Variants in MYEF2 observed in about 807,000 individuals in gnomAD.
MYEF2 encodes the protein myelin gene expression factor 2.
Under a neutral mutation model 75.2 loss-of-function variants are expected in MYEF2, and 37 were observed. The observed-to-expected ratio is 0.49, with a 90% CI of 0.38 to 0.65. The LOEUF is 0.65. MYEF2 is among the 30% of genes least tolerant of loss of function. MYEF2 has a pLI of 0.00. For missense variants in MYEF2, 634 were observed against 771.4 expected (o/e 0.82, Z 2.11); for synonymous variants, 195 against 241.6 (o/e 0.81, Z 1.79).
At chr15:48,157,330 T>C (rs1458264482) in intron 9 of MYEF2, 2 of 152,136 alleles carry the variant, frequency 1.3e-5, no homozygotes, top group African/African-American at 4.8e-5. Flanking sequence ...GTTATAGTCA[T>C]TTTGGAAAAC....
intron 5 of MYEF2, 35 bp downstream of exon 5, chr15:48,165,898 T>A (rs2040115393): frequency 7.2e-7 from 1 of 1,390,628 alleles, no homozygotes; most frequent in Non-Finnish European, 9.9e-7. Context: ...GTCTTTATAG[T>A]CAAATGTTTA....
At position 48,142,069 on chromosome 15, in the gene MYEF2, T is replaced by A; in HGVS notation, c.*839A>T. 1 of 1,613,662 alleles carries A rather than the reference T, an allele frequency of 6.2e-7. No individual in the cohort carries two copies. ...CTATGTCTAACATCGTGGGATCCAA[T>A]GTGTTTGATATGTTGTGCCTTGGTA... On this transcript the variant is annotated 3_prime_UTR_variant, in exon 17 of 17. Coordinates refer to ENST00000324324, the MANE Select transcript of MYEF2 (RefSeq NM_016132.5).
At chr15:48,152,052 G>A in intron 11 of MYEF2, 110 bp from the exon 12 acceptor site, 1 of 1,219,004 alleles carries the variant, frequency 8.2e-7, no homozygotes, top group Non-Finnish European at 1.2e-6. Context: ...CCTACCTTGT[G>A]CAGCTACTTC....
chr15:48,169,199 G>T (rs947558707), intron 1 of MYEF2, among the ~76,000 whole-genome samples: 2 of 152,154 alleles, frequency 1.3e-5, no homozygotes, highest in Non-Finnish European at 2.9e-5. Flanking sequence ...TGCCACCTTT[G>T]ATGGAGAATT....
chr15:48,166,917 C>G (rs1352440588), intron 3 of MYEF2, among the ~76,000 whole-genome samples: 1 of 152,036 alleles, frequency 6.6e-6, no homozygotes, highest in Non-Finnish European at 1.5e-5. Context: ...CACTGCCTCT[C>G]ATGTAGTCCT....
chr15:48,141,298 G>A lies in MYEF2; in HGVS notation c.*1610C>T. 8.6e-7 allele frequency: 1 copy of A among 1,164,790 alleles called. No individual in the cohort carries two copies. The highest frequency in any genetic ancestry group is 1.2e-6 in the Non-Finnish European group (1 of 801,352). The allele number at this position is 1,164,790 out of a possible 1,614,324, so 72.2% of individuals were successfully genotyped here. ...GTAGCTTTAAAAATGTTTACTTCCA[G>A]CCGGGTGTGGTGGCTCGCGCCTGTA... On this transcript the variant is annotated 3_prime_UTR_variant, in exon 17 of 17. Transcript: ENST00000324324.
Position 48,142,536 on chromosome 15 carries a change from T to C in MYEF2, c.*372A>G, listed in dbSNP as rs1408913434. 1.9e-6 allele frequency: 1 copy of C among 525,974 alleles called. No individual in the cohort carries two copies. The allele number at this position is 525,974 out of a possible 1,614,324, so 32.6% of individuals were successfully genotyped here. A position where few individuals can be genotyped will look rare whatever the true frequency, so the allele number is the denominator to read the frequency against. ...CCCTTTCTTTTCATGAAAAATTACA[T>C]ATTATAAAACAGAAGTTTGGGGGGA... On this transcript the variant is annotated 3_prime_UTR_variant, in exon 17 of 17. Coordinates refer to ENST00000324324, the MANE Select transcript of MYEF2 (RefSeq NM_016132.5).
intron 3 of MYEF2, 93 bp downstream of exon 3, chr15:48,167,256 T>A: frequency 7.7e-7 from 1 of 1,299,552 alleles, no homozygotes. Flanking sequence ...AAAATGAAAC[T>A]TAAGTTTCCA....
In MYEF2 at chr15:48,159,700, AG is replaced by A; in HGVS notation, c.629del (p.Pro210LeufsTer40). 6.2e-7 allele frequency: 1 copy of A among 1,613,724 alleles called. No homozygotes were observed. The highest frequency in any genetic ancestry group is 8.5e-7 in the Non-Finnish European group (1 of 1,179,740). On this transcript the variant is annotated frameshift_variant, in exon 6 of 17. Transcript: ENST00000324324. LOFTEE classifies it high-confidence loss of function. ...GAATGTTTGGATTATTGAGTATGGAAGGTGGTAAATTCATCAACCCTGATCC... is the reference window on the plus strand; with the variant it reads ...GAATGTTTGGATTATTGAGTATGGAAGTGGTAAATTCATCAACCCTGATCC... ...DMGSGLMNLP[P>X]SILNNPNIPP...
intron 5 of MYEF2, among the ~76,000 whole-genome samples, chr15:48,164,649 A>T (rs2040071142): frequency 6.6e-6 from 1 of 152,156 alleles, no homozygotes; most frequent in African/African-American, 2.4e-5. Context: ...CTGATACAGC[A>T]AACTTCATTG....
intron 16 of MYEF2, among the ~76,000 whole-genome samples, chr15:48,148,773 A>T (rs2039383283): frequency 6.6e-6 from 1 of 152,094 alleles, no homozygotes; most frequent in Non-Finnish European, 1.5e-5. Flanking sequence ...TATCTTTATT[A>T]ACAGAAAACA....
Position 48,140,930 on chromosome 15 carries a change from C to T in MYEF2, c.*1978G>A, listed in dbSNP as rs1390532778. On this transcript the variant is annotated 3_prime_UTR_variant, in exon 17 of 17. Transcript: ENST00000324324. ...TTAAAAATCTGTGCTACCTGGGTTA[C>T]CCGAATTACCAGCCTGATTCAAATA... 6.0e-6 allele frequency: 3 copies of T among 498,402 alleles called. No individual in the cohort carries two copies. The highest frequency in any genetic ancestry group is 1.1e-5 in the Non-Finnish European group (3 of 275,856). The allele number at this position is 498,402 out of a possible 1,614,324, so 30.9% of individuals were successfully genotyped here. A position where few individuals can be genotyped will look rare whatever the true frequency, so the allele number is the denominator to read the frequency against.
chr15:48,158,132 G>C, intron 8 of MYEF2, 43 bp downstream of exon 8: 1 of 1,611,354 alleles, frequency 6.2e-7, no homozygotes, highest in South Asian at 1.1e-5. Context: ...GCCAATAAAA[G>C]ATCTGAAGAG....
intron 2 of MYEF2, among the ~76,000 whole-genome samples, chr15:48,168,413 G>A (rs1481768559): frequency 2.0e-5 from 3 of 152,004 alleles, no homozygotes; most frequent in African/African-American, 7.2e-5. Context: ...ATGCTGGCTC[G>A]CTACTATCCC....
chr15:48,162,915 T>C (rs1183102051), intron 5 of MYEF2: 1 of 152,162 alleles, frequency 6.6e-6, no homozygotes, highest in Non-Finnish European at 1.5e-5. Context: ...CACAATAATA[T>C]TGAAATTAGG....
At chr15:48,166,577 T>C (rs1029852056) in intron 3 of MYEF2, among the ~76,000 whole-genome samples, 1 of 152,036 alleles carries the variant, frequency 6.6e-6, no homozygotes, top group African/African-American at 2.4e-5. Context: ...TAACAAGTTC[T>C]CTATTAGATT....
chr15:48,163,144 C>T (rs931307730), intron 5 of MYEF2, among the ~76,000 whole-genome samples: 1 of 152,232 alleles, frequency 6.6e-6, no homozygotes, highest in East Asian at 1.9e-4. Context: ...GTGAAACAGC[C>T]TTAATGCTGT....
chr15:48,141,139 G>A lies in MYEF2; in HGVS notation c.*1769C>T, dbSNP rs2039067278. On this transcript the variant is annotated 3_prime_UTR_variant, in exon 17 of 17. Transcript: ENST00000324324. ...GGAAACACTAGAAATTCCCGATACA[G>A]TAATGGGCCTTACTTTATTAGCAGC... 3 of 1,613,626 alleles carry A rather than the reference G, an allele frequency of 1.9e-6. No individual in the cohort carries two copies. Among genetic ancestry groups the A allele is most frequent in the South Asian group, 1.1e-5 (1 of 91,074 alleles).
At chr15:48,152,752 GT>G in intron 10 of MYEF2, 1 of 153,984 alleles carries the variant, frequency 6.5e-6, no homozygotes. Context: ...TTAGGAGAGG[GT>G]AGGTAGGTGT....
Sources: allele counts gnomAD v4.1 joint callset (sites outside exome capture counted in the v4.1 genomes callset), GRCh38; gene constraint gnomAD v4.1.1; transcripts MANE v1.5; gene names NCBI Gene and HGNC (gene_info 2026-07-23, HGNC 2026-07-21).